Variants in SPTLC3 observed in about 807,000 individuals in gnomAD.
SPTLC3 encodes the protein serine palmitoyltransferase long chain base subunit 3, also known as serine palmitoyltransferase 3.
Under a neutral mutation model 59.3 loss-of-function variants are expected in SPTLC3, and 36 were observed. The ratio of observed to expected loss-of-function variants is 0.61; its 90% CI spans 0.47 to 0.80. The LOEUF (loss-of-function observed/expected upper bound fraction) is 0.80. Ranked by LOEUF, SPTLC3 falls within the 30% of genes least tolerant of loss-of-function variation. The probability of loss-of-function intolerance (pLI) is 0.00; values close to 1 mark genes in which losing one functional copy is unlikely to be tolerated. For missense variants in SPTLC3, 625 were observed against 685.1 expected, an observed-to-expected ratio of 0.91 and a Z score of 0.98; for synonymous variants, 257 against 240.8, an observed-to-expected ratio of 1.07 and a Z score of -0.62.
chr20:13,127,974 C>T (rs1334496695), intron 9 of SPTLC3, among the ~76,000 whole-genome samples: 1 of 152,118 alleles, frequency 6.6e-6, no homozygotes, highest in Non-Finnish European at 1.5e-5. Context: ...ACTATTCACT[C>T]GTATGTGGCC....
chr20:13,014,789 T>TAA (rs59783373), intron 1 of SPTLC3, among the ~76,000 whole-genome samples: 72 of 141,436 alleles, frequency 5.1e-4, no homozygotes, highest in South Asian at 1.4e-3. Flanking sequence ...TGTCTAAATT[T>TAA]AAAAAAAAAA....
At chr20:13,107,163 C>A (rs374938992) in intron 6 of SPTLC3, among the ~76,000 whole-genome samples, 2 of 152,152 alleles carry the variant, frequency 1.3e-5, no homozygotes, top group East Asian at 1.9e-4. Context: ...AACGTCTGGG[C>A]CCTGACCCAC....
intron 11 of SPTLC3, among the ~76,000 whole-genome samples, chr20:13,161,164 G>A (rs189500639): frequency 1.3e-5 from 2 of 152,344 alleles, no homozygotes; most frequent in Admixed American, 1.3e-4. Context: ...ATTGGATGTG[G>A]TGCATATGTG....
At chr20:13,126,509 T>C (rs2037993845) in intron 8 of SPTLC3, 82 bp from the exon 9 acceptor site, 1 of 1,527,442 alleles carries the variant, frequency 6.5e-7, no homozygotes, top group Admixed American at 1.9e-5. Context: ...GCTATGAGGA[T>C]AGGGATGGGA....
At chr20:13,107,179 C>G (rs1436250244) in intron 6 of SPTLC3, among the ~76,000 whole-genome samples, 1 of 152,190 alleles carries the variant, frequency 6.6e-6, no homozygotes, top group Non-Finnish European at 1.5e-5. Context: ...CCCACACCAA[C>G]TGATTCAAAA....
chr20:13,099,722 T>G (rs1388768676), intron 6 of SPTLC3, among the ~76,000 whole-genome samples: 1 of 152,248 alleles, frequency 6.6e-6, no homozygotes, highest in Admixed American at 6.5e-5. Flanking sequence ...CATCAGATGC[T>G]GCTGGCTCTG....
chr20:13,047,246 T>G (rs1276377978), intron 1 of SPTLC3, among the ~76,000 whole-genome samples: 2 of 152,196 alleles, frequency 1.3e-5, no homozygotes, highest in Admixed American at 6.5e-5. Context: ...ATTCCAAAAA[T>G]TCTGCTTCTC....
chr20:13,151,336 A>G (rs2038641698), intron 9 of SPTLC3, among the ~76,000 whole-genome samples: 1 of 152,198 alleles, frequency 6.6e-6, no homozygotes, highest in African/African-American at 2.4e-5. Flanking sequence ...AGCTCCTATG[A>G]TAGACCAGTG....
intron 2 of SPTLC3, 141 bp downstream of exon 2, chr20:13,049,271 T>G: frequency 1.1e-6 from 1 of 938,080 alleles, no homozygotes; most frequent in Middle Eastern, 2.1e-4. Flanking sequence ...CATCTCCACC[T>G]CCTAAACCCC....
intron 9 of SPTLC3, among the ~76,000 whole-genome samples, chr20:13,149,872 G>A (rs144787868): frequency 6.6e-6 from 1 of 152,172 alleles, no homozygotes; most frequent in Admixed American, 6.5e-5. Context: ...TTATAGGCAA[G>A]CGCAAAGATA....
chr20:13,020,179 G>C (rs3843769), intron 1 of SPTLC3, among the ~76,000 whole-genome samples: 85,827 of 151,848 alleles, frequency 0.57, 26,918 homozygotes, highest in South Asian at 0.72. Context: ...CAAAGTGATT[G>C]AGGCAGCAAG....
In SPTLC3 at chr20:13,049,062, C is replaced by G; in HGVS notation, c.235C>G (p.Leu79Val). ...TGGAATTGGAACCCTGTTTGGCTAT[C>G]TCAGAGACTTTTTAAGAAACTGGGG... ...GYGIGTLFGY[L>V]RDFLRNWGIE... The change falls in exon 2 of 12, where the codon CTC (leucine) becomes GTC (valine). Residue 79 changes from leucine (L) to valine (V), a missense_variant. Physicochemically the swap from Leu to Val is conservative, Grantham distance 32. Coordinates refer to ENST00000399002, the MANE Select transcript of SPTLC3 (RefSeq NM_018327.4). The G allele has an allele frequency of 6.2e-7, 1 of 1,613,848 alleles. No individual in the cohort carries two copies. Among genetic ancestry groups the G allele is most frequent in the Non-Finnish European group, 8.5e-7 (1 of 1,179,872 alleles).
At chr20:13,118,143 T>C (rs1348553689) in intron 8 of SPTLC3, among the ~76,000 whole-genome samples, 1 of 152,108 alleles carries the variant, frequency 6.6e-6, no homozygotes, top group Non-Finnish European at 1.5e-5. Flanking sequence ...CTGAAAACTA[T>C]AAGCATTAAA....
chr20:13,101,292 G>C (rs1989590882), intron 6 of SPTLC3, among the ~76,000 whole-genome samples: 1 of 152,192 alleles, frequency 6.6e-6, no homozygotes, highest in Non-Finnish European at 1.5e-5. Flanking sequence ...GTATAGGCAG[G>C]ATGTGCACAG....
At chr20:13,063,373 A>G (rs1438184396) in intron 2 of SPTLC3, among the ~76,000 whole-genome samples, 1 of 151,942 alleles carries the variant, frequency 6.6e-6, no homozygotes, top group East Asian at 1.9e-4. Flanking sequence ...TTGGCTCTTA[A>G]CTTTATTTGC....
At chr20:13,160,488 C>T (rs1045301738) in intron 11 of SPTLC3, among the ~76,000 whole-genome samples, 3 of 152,166 alleles carry the variant, frequency 2.0e-5, no homozygotes, top group African/African-American at 7.2e-5. Context: ...TTCATAGCCA[C>T]TAAATCTGCC....
At chr20:13,141,785 G>A (rs951359982) in intron 9 of SPTLC3, among the ~76,000 whole-genome samples, 4 of 152,188 alleles carry the variant, frequency 2.6e-5, no homozygotes, top group African/African-American at 9.7e-5. Context: ...AACAGATGTT[G>A]GTGCTATGCT....
intron 2 of SPTLC3, 88 bp from the exon 3 acceptor site, chr20:13,072,168 C>T: frequency 2.1e-6 from 3 of 1,405,470 alleles, no homozygotes; most frequent in Non-Finnish European, 2.9e-6. Flanking sequence ...ATTTCCACAG[C>T]TCTTCCAGGT....
chr20:13,161,078 A>T lies in SPTLC3; in HGVS notation c.1545+946A>T, dbSNP rs2122999920. ...AACAAAACAAGAGATGACAAGGCTAATGGTAGTGGAAACAAAAGAAACTAA... is the reference window on the plus strand; with the variant it reads ...AACAAAACAAGAGATGACAAGGCTATTGGTAGTGGAAACAAAAGAAACTAA... On this transcript the variant is annotated intron_variant, in intron 11 of 11. Transcript: ENST00000399002. 3.3e-5 allele frequency among the ~76,000 whole-genome samples: 5 copies of T among 152,366 alleles called. 1 individual carries two copies. In the South Asian group the frequency reaches 1.0e-3, roughly 32 times the overall value.
Sources: allele counts gnomAD v4.1 joint callset (sites outside exome capture counted in the v4.1 genomes callset), GRCh38; gene constraint gnomAD v4.1.1; transcripts MANE v1.5; gene names NCBI Gene and HGNC (gene_info 2026-07-23, HGNC 2026-07-21).